CNTN6: variants seen among roughly 807,000 people sequenced by gnomAD.
CNTN6 encodes the protein contactin 6.
A neutral mutation model predicts 122.8 loss-of-function variants in CNTN6; 137 were observed. That is an observed-to-expected ratio of 1.12 (90% CI 0.97 to 1.29). The LOEUF is 1.29. CNTN6 is among the 50% of genes most tolerant of loss of function. CNTN6 has a pLI of 0.00. For missense variants in CNTN6, 1,634 were observed against 1,223.4 expected, an observed-to-expected ratio of 1.34 and a Z score of -5.01; for synonymous variants, 570 against 426.0, an observed-to-expected ratio of 1.34 and a Z score of -4.16.
intron 2 of CNTN6, among the ~76,000 whole-genome samples, chr3:1,187,529 T>G (rs2093646300): frequency 6.6e-6 from 1 of 152,158 alleles, no homozygotes; most frequent in African/African-American, 2.4e-5. Flanking sequence ...GCATAAATTC[T>G]GTAGTTTCCC....
intron 2 of CNTN6, among the ~76,000 whole-genome samples, chr3:1,162,418 C>A (rs1189457752): frequency 6.6e-6 from 1 of 152,074 alleles, no homozygotes; most frequent in Non-Finnish European, 1.5e-5. Context: ...AAAACCCCTT[C>A]TTCTTCGTAA....
intron 1 of CNTN6, among the ~76,000 whole-genome samples, chr3:1,146,497 A>G (rs2092725718): frequency 1.3e-5 from 2 of 152,134 alleles, no homozygotes; most frequent in Admixed American, 6.6e-5. Flanking sequence ...TTCAAGCCTC[A>G]GCTAAAAAAT....
At chr3:1,321,079 T>C (rs1405804964) in intron 7 of CNTN6, among the ~76,000 whole-genome samples, 1 of 151,636 alleles carries the variant, frequency 6.6e-6, no homozygotes, top group East Asian at 1.9e-4. Flanking sequence ...TGGGTCTGTT[T>C]TATAGTGCTG....
chr3:1,367,628 A>G (rs908324946), intron 12 of CNTN6, among the ~76,000 whole-genome samples: 6 of 152,084 alleles, frequency 3.9e-5, no homozygotes, highest in African/African-American at 1.2e-4. Context: ...ACCCACATGC[A>G]TATGTGGCAG....
intron 6 of CNTN6, among the ~76,000 whole-genome samples, chr3:1,296,155 T>A (rs1270314785): frequency 1.3e-5 from 2 of 152,148 alleles, no homozygotes; most frequent in East Asian, 3.9e-4. Context: ...AATCAATATA[T>A]TTTTAATGAA....
At chr3:1,246,280 A>G (rs1353287152) in intron 4 of CNTN6, among the ~76,000 whole-genome samples, 2 of 152,140 alleles carry the variant, frequency 1.3e-5, no homozygotes, top group East Asian at 1.9e-4. Flanking sequence ...TTAATTTTAT[A>G]TGAATAAAAT....
chr3:1,372,811 T>C (rs1202130268), intron 13 of CNTN6, 27 bp from the exon 14 acceptor site: 4 of 1,388,832 alleles, frequency 2.9e-6, no homozygotes, highest in Non-Finnish European at 4.0e-6. Flanking sequence ...CTTACGTTTT[T>C]ATCCATTTCT....
In CNTN6 at chr3:1,374,034, C is replaced by T. The variant is rs770621798; in HGVS notation, c.2056C>T (p.Pro686Ser). Reference sequence around the variant, plus strand: ...CGGCAACAGCATTGGGATTGGAGAACCAAGTGAACCATCAGAATTGTTAAG... The same window carrying T: ...CGGCAACAGCATTGGGATTGGAGAATCAAGTGAACCATCAGAATTGTTAAG... ...VAGNSIGIGEPSEPSELLRTK... is the reference protein window; with the variant it reads ...VAGNSIGIGESSEPSELLRTK... Residue 686 changes from proline to serine, a missense_variant, in exon 16 of 23, where the codon CCA (proline) becomes TCA (serine). Transcript: ENST00000446702. The T allele has an allele frequency of 1.2e-6, 2 of 1,612,662 alleles. No individual in the cohort carries two copies. The highest frequency in any genetic ancestry group is 1.3e-5 in the African/African-American group (1 of 74,774).
At chr3:1,321,575 TATGG>T in intron 7 of CNTN6, 71 bp from the exon 8 acceptor site, 1 of 1,302,790 alleles carries the variant, frequency 7.7e-7, no homozygotes. Context: ...GAGTTATTTG[TATGG>T]ATGCTCTTCT....
intron 4 of CNTN6, among the ~76,000 whole-genome samples, chr3:1,264,465 A>G (rs1279908782): frequency 6.6e-6 from 1 of 150,854 alleles, no homozygotes; most frequent in African/African-American, 2.5e-5. Context: ...CCACATAGAG[A>G]GAGGTTGAGT....
chr3:1,155,384 A>G (rs2092940474), intron 2 of CNTN6, among the ~76,000 whole-genome samples: 1 of 152,230 alleles, frequency 6.6e-6, no homozygotes, highest in Non-Finnish European at 1.5e-5. Context: ...GGGATAAACC[A>G]ATATTCCCAA....
chr3:1,381,672 T>TACC (rs1176029254), intron 17 of CNTN6, among the ~76,000 whole-genome samples: 2 of 152,200 alleles, frequency 1.3e-5, no homozygotes, highest in African/African-American at 4.8e-5. Context: ...TCCAGTTTTC[T>TACC]ACCTGGCTGC....
intron 5 of CNTN6, among the ~76,000 whole-genome samples, chr3:1,283,165 G>A (rs1315818599): frequency 6.6e-6 from 1 of 152,102 alleles, no homozygotes; most frequent in Non-Finnish European, 1.5e-5. Flanking sequence ...GTAGAGACAG[G>A]GTGGGTCTCC....
At chr3:1,139,186 A>T (rs1419268934) in intron 1 of CNTN6, among the ~76,000 whole-genome samples, 1 of 152,204 alleles carries the variant, frequency 6.6e-6, no homozygotes, top group Non-Finnish European at 1.5e-5. Context: ...TAATGGCAAC[A>T]GTGACCAGGC....
chr3:1,322,939 TAAATA>T (rs1701062769), intron 8 of CNTN6, among the ~76,000 whole-genome samples: 1 of 151,702 alleles, frequency 6.6e-6, no homozygotes, highest in Non-Finnish European at 1.5e-5. Flanking sequence ...GTATCCTTTG[TAAATA>T]AAATAGGATA....
chr3:1,100,724 A>T (rs934205338), intron 1 of CNTN6, among the ~76,000 whole-genome samples: 4 of 151,908 alleles, frequency 2.6e-5, no homozygotes, highest in African/African-American at 9.7e-5. Flanking sequence ...TTATACTTTT[A>T]TTTTTTAAAA....
At position 1,325,140 on chromosome 3, in the gene CNTN6, C is replaced by A. The variant is rs552839997; in HGVS notation, c.947-675C>A. Among the ~76,000 whole-genome samples, 8 of 151,884 alleles carry A rather than the reference C, an allele frequency of 5.3e-5. No individual in the cohort carries two copies. In the South Asian group the frequency reaches 1.7e-3, roughly 32 times the overall value. ...TAAAAATAATACAATCTTACTTTCA[C>A]GTCAATTATGCCAGTTTCTTGTTGT... On this transcript the variant is annotated intron_variant, in intron 8 of 22. Transcript: ENST00000446702.
At chr3:1,093,278 A>G (rs540456970) in intron 1 of CNTN6, 158 bp downstream of exon 1, 40 of 169,650 alleles carry the variant, frequency 2.4e-4, no homozygotes, top group South Asian at 5.5e-4. Context: ...CTGTGTTTCT[A>G]TGATGCTGAT....
At chr3:1,187,033 G>C (rs1430159772) in intron 2 of CNTN6, among the ~76,000 whole-genome samples, 2 of 152,068 alleles carry the variant, frequency 1.3e-5, no homozygotes, top group African/African-American at 4.8e-5. Context: ...TAGTACCTCC[G>C]TGTGTCCTAG....
Sources: gnomAD v4.1 joint callset for allele counts (sites outside exome capture counted in the v4.1 genomes callset) on GRCh38, gnomAD v4.1.1 for gene constraint, MANE v1.5 for transcripts, NCBI Gene and HGNC (gene_info 2026-07-23, HGNC 2026-07-21) for gene names.